SPIDR: variants seen among roughly 807,000 people sequenced by gnomAD.
SPIDR encodes the protein DNA repair-scaffolding protein.
SPIDR carries 93 observed loss-of-function variants against 104.6 expected under a neutral mutation model. The ratio of observed to expected loss-of-function variants is 0.89; its 90% CI spans 0.75 to 1.06. The LOEUF (loss-of-function observed/expected upper bound fraction) is 1.06, where lower values mean the gene tolerates loss of function less well. Ranked by LOEUF, SPIDR falls within the 50% of genes least tolerant of loss-of-function variation. SPIDR has a pLI of 0.00. For synonymous variants in SPIDR, 431 were observed against 416.9 expected, an observed-to-expected ratio of 1.03 and a Z score of -0.41; for missense variants, 1,154 against 1,111.2, an observed-to-expected ratio of 1.04 and a Z score of -0.55.
chr8:47,357,918 G>A, intron 5 of SPIDR: 1 of 952,760 alleles, frequency 1.0e-6, no homozygotes, highest in Middle Eastern at 5.4e-4. Context: ...ACTCACCTGT[G>A]ATTTCAGCAG....
intron 8 of SPIDR, among the ~76,000 whole-genome samples, chr8:47,580,605 T>C (rs1322072769): frequency 6.6e-6 from 1 of 151,444 alleles, no homozygotes; most frequent in Non-Finnish European, 1.5e-5. Context: ...CATCGTGTGC[T>C]GTGCATTAGA....
intron 8 of SPIDR, among the ~76,000 whole-genome samples, chr8:47,551,117 A>G (rs2090388771): frequency 6.6e-6 from 1 of 152,198 alleles, no homozygotes; most frequent in South Asian, 2.1e-4. Flanking sequence ...CCAGGGATGA[A>G]GCCAACTTGC....
intron 5 of SPIDR, among the ~76,000 whole-genome samples, chr8:47,303,442 A>T (rs1468661207): frequency 1.3e-5 from 2 of 152,072 alleles, no homozygotes; most frequent in Non-Finnish European, 2.9e-5. Flanking sequence ...GGTGCACTGC[A>T]CCCAGTGTGC....
chr8:47,330,123 A>G (rs1295556409), intron 5 of SPIDR, among the ~76,000 whole-genome samples: 1 of 152,070 alleles, frequency 6.6e-6, no homozygotes, highest in African/African-American at 2.4e-5. Context: ...TCTGCAAGCA[A>G]TAATCAGTTT....
chr8:47,366,581 C>A (rs1554634682), intron 5 of SPIDR, among the ~76,000 whole-genome samples: 1 of 152,154 alleles, frequency 6.6e-6, no homozygotes, highest in Non-Finnish European at 1.5e-5. Context: ...GAATTAGTTT[C>A]TGTTTGATGT....
intron 1 of SPIDR, among the ~76,000 whole-genome samples, chr8:47,266,004 C>T (rs534997982): frequency 2.0e-5 from 3 of 152,050 alleles, no homozygotes. Flanking sequence ...CCCGCATCGA[C>T]ATCCCAAAGT....
At chr8:47,539,477 T>G (rs894784532) in intron 8 of SPIDR, among the ~76,000 whole-genome samples, 1 of 152,198 alleles carries the variant, frequency 6.6e-6, no homozygotes, top group Non-Finnish European at 1.5e-5. Flanking sequence ...GTTATTTTAT[T>G]TCACTTTAGA....
chr8:47,505,863 A>T (rs561359217), intron 8 of SPIDR, among the ~76,000 whole-genome samples: 144 of 152,064 alleles, frequency 9.5e-4, no homozygotes, highest in South Asian at 3.3e-3. Flanking sequence ...CCTTTTGTGA[A>T]TTTTTTTCCG....
At chr8:47,554,107 T>G (rs1303176935) in intron 8 of SPIDR, among the ~76,000 whole-genome samples, 1 of 152,084 alleles carries the variant, frequency 6.6e-6, no homozygotes, top group Non-Finnish European at 1.5e-5. Flanking sequence ...ATCCTTCCTC[T>G]CAGATCTTCG....
chr8:47,356,313 G>T (rs2054531356), intron 5 of SPIDR, among the ~76,000 whole-genome samples: 1 of 152,154 alleles, frequency 6.6e-6, no homozygotes, highest in Non-Finnish European at 1.5e-5. Context: ...AAGGTGATGG[G>T]ATAAAGTTAA....
chr8:47,536,061 C>A (rs2086848738), intron 8 of SPIDR, among the ~76,000 whole-genome samples: 1 of 146,222 alleles, frequency 6.8e-6, no homozygotes, highest in Non-Finnish European at 1.5e-5. Flanking sequence ...ACATTTGCAT[C>A]AAAAAAATCA....
rs528412056 is a variant in SPIDR, at chr8:47,726,602, G to A, written c.2342-598G>A. Among the ~76,000 whole-genome samples the A allele has an allele frequency of 3.9e-5, 6 of 152,326 alleles. No homozygotes were observed. The East Asian group carries it at 5.8e-4, about 15-fold the overall frequency. ...GCAGAGTTGGCTGAGGCCCCGTGTG[G>A]CCCGCCCTGGCTGTCTTGTGGACCC... On this transcript the variant is annotated intron_variant, in intron 16 of 19. Coordinates refer to ENST00000297423, the MANE Select transcript of SPIDR (RefSeq NM_001080394.4).
At chr8:47,308,383 T>C (rs587701217) in intron 5 of SPIDR, among the ~76,000 whole-genome samples, 10 of 148,814 alleles carry the variant, frequency 6.7e-5, no homozygotes, top group African/African-American at 1.0e-4. Flanking sequence ...TTTTTTTTTT[T>C]CTAATGTTAC....
At chr8:47,597,439 G>T (rs2061747941) in intron 9 of SPIDR, among the ~76,000 whole-genome samples, 1 of 152,030 alleles carries the variant, frequency 6.6e-6, no homozygotes, top group Non-Finnish European at 1.5e-5. Context: ...CACTACTTTT[G>T]TTTACACCAG....
chr8:47,287,673 C>G (rs1293488738), intron 3 of SPIDR, among the ~76,000 whole-genome samples: 1 of 152,196 alleles, frequency 6.6e-6, no homozygotes, highest in African/African-American at 2.4e-5. Context: ...AAAAATATGG[C>G]TGTATTCTGC....
chr8:47,319,334 A>C (rs1465089209), intron 5 of SPIDR, among the ~76,000 whole-genome samples: 5 of 152,214 alleles, frequency 3.3e-5, no homozygotes, highest in Non-Finnish European at 7.3e-5. Flanking sequence ...AACAAAGATC[A>C]AAAGAGACAA....
intron 8 of SPIDR, among the ~76,000 whole-genome samples, chr8:47,579,199 C>T (rs777444339): frequency 6.6e-6 from 1 of 152,172 alleles, no homozygotes. Context: ...ATATTTCATG[C>T]TGGTGTACTG....
chr8:47,527,219 T>C (rs1048269816), intron 8 of SPIDR, among the ~76,000 whole-genome samples: 8 of 152,110 alleles, frequency 5.3e-5, no homozygotes, highest in Admixed American at 5.2e-4. Flanking sequence ...GAGAAACTGT[T>C]TTACCAGAGT....
chr8:47,513,148 ACT>A (rs1364129180), intron 8 of SPIDR, among the ~76,000 whole-genome samples: 5 of 152,116 alleles, frequency 3.3e-5, no homozygotes, highest in African/African-American at 7.2e-5. Flanking sequence ...AGAGAGGTAA[ACT>A]CTATTTTAGC....
Sources: gnomAD v4.1 joint callset for allele counts (sites outside exome capture counted in the v4.1 genomes callset) on GRCh38, gnomAD v4.1.1 for gene constraint, MANE v1.5 for transcripts, NCBI Gene and HGNC (gene_info 2026-07-23, HGNC 2026-07-21) for gene names.